The following PDIA3 variants were observed in gnomAD, a reference collection of about 807,000 sequenced individuals.
PDIA3 encodes protein disulfide-isomerase A3.
PDIA3 carries 16 observed loss-of-function variants against 56.9 expected under a neutral mutation model. The observed-to-expected ratio is 0.28, with a 90% confidence interval of 0.19 to 0.43. The LOEUF (loss-of-function observed/expected upper bound fraction) is 0.43. Ranked by LOEUF, PDIA3 falls within the 20% of genes least tolerant of loss-of-function variation. PDIA3 has a pLI of 1.00. For missense variants in PDIA3, 485 were observed against 621.3 expected (o/e 0.78, Z 2.33); for synonymous variants, 192 against 216.5 (o/e 0.89, Z 0.99).
intron 2 of PDIA3, among the ~76,000 whole-genome samples, chr15:43,754,712 T>TAAA (rs575346705): frequency 7.2e-6 from 1 of 138,246 alleles, no homozygotes. Flanking sequence ...CCCTGTCTCT[T>TAAA]AAAAAAAAAA....
In PDIA3 at chr15:43,751,334, T is replaced by C. The variant is rs1303621471; in HGVS notation, c.168-2490T>C. The stretch of plus-strand genomic sequence containing the variant: ...TGGTGTTCCTATAAGGAAAGGACTA[T>C]ACCAATTTTCTTATCAAAGACACTT... On this transcript the variant is annotated intron_variant, in intron 1 of 12. Transcript: ENST00000300289. Among the ~76,000 whole-genome samples, 5 of 152,166 alleles carry C rather than the reference T, an allele frequency of 3.3e-5. No individual in the cohort carries two copies. In the South Asian group the frequency reaches 1.0e-3, roughly 32 times the overall value.
chr15:43,746,471 G>C lies in PDIA3; in HGVS notation c.-69G>C, dbSNP rs1596015742. On this transcript the variant is annotated 5_prime_UTR_variant, in exon 1 of 13. Transcript: ENST00000300289. Reference sequence around the variant, plus strand: ...GAGCGCAAGCAGCGGGTTAGTGGTCGCGCGCCCGACCTCCGCAGTCCCAGC... The same window carrying C: ...GAGCGCAAGCAGCGGGTTAGTGGTCCCGCGCCCGACCTCCGCAGTCCCAGC... 1.8e-5 allele frequency: 25 copies of C among 1,371,722 alleles called. No homozygotes were observed. The highest frequency in any genetic ancestry group is 2.7e-5 in the Admixed American group (1 of 36,888). The allele number at this position is 1,371,722 out of a possible 1,614,324, so 85.0% of individuals were successfully genotyped here.
intron 5 of PDIA3, among the ~76,000 whole-genome samples, chr15:43,763,472 CA>C (rs2086830011): frequency 6.6e-6 from 1 of 152,198 alleles, no homozygotes; most frequent in South Asian, 2.1e-4. Flanking sequence ...AGGCTGGTTT[CA>C]AATTCCTGGC....
intron 3 of PDIA3, 42 bp from the exon 4 acceptor site, chr15:43,761,382 T>A: frequency 9.2e-7 from 1 of 1,081,988 alleles, no homozygotes; most frequent in Admixed American, 2.0e-5. Context: ...TCAAAAATTA[T>A]AAATAAGTTG....
At chr15:43,758,921 G>A (rs888950517) in intron 3 of PDIA3, among the ~76,000 whole-genome samples, 4 of 151,494 alleles carry the variant, frequency 2.6e-5, no homozygotes, top group Admixed American at 1.3e-4. Context: ...AGGTTGCAGC[G>A]AGCTGAGATC....
intron 8 of PDIA3, among the ~76,000 whole-genome samples, chr15:43,767,805 A>G (rs1447117937): frequency 1.3e-5 from 2 of 148,482 alleles, no homozygotes; most frequent in Non-Finnish European, 3.0e-5. Context: ...GAAATAGATA[A>G]GATTGGACAG....
chr15:43,746,572 T>A lies in PDIA3; in HGVS notation c.33T>A (p.Gly11=). ...TCCGCCGCCTAGCGCTGTTCCCGGG[T>A]GTGGCGCTGCTTCTTGCCGCGGCCC... MRLRRLALFP[G]VALLLAAARL... is the part of the protein sequence containing the mutation. The change falls in exon 1 of 13, where the codon GGT becomes GGA. Residue 11 remains glycine, a synonymous_variant. Transcript: ENST00000300289. 6.2e-7 allele frequency: 1 copy of A among 1,611,346 alleles called. No individual in the cohort carries two copies. Among genetic ancestry groups the A allele is most frequent in the Non-Finnish European group, 8.5e-7 (1 of 1,179,516 alleles).
intron 2 of PDIA3, among the ~76,000 whole-genome samples, chr15:43,754,638 G>T (rs886628768): frequency 6.6e-6 from 1 of 151,400 alleles, no homozygotes; most frequent in South Asian, 2.1e-4. Flanking sequence ...CAGGAGGATT[G>T]CTTGAGGCTG....
chr15:43,749,561 A>G (rs2086730330), intron 1 of PDIA3, among the ~76,000 whole-genome samples: 1 of 152,192 alleles, frequency 6.6e-6, no homozygotes, highest in East Asian at 1.9e-4. Flanking sequence ...TGGGAGGCCA[A>G]GGCAGGCAGA....
chr15:43,749,709 C>G (rs574684249), intron 1 of PDIA3, among the ~76,000 whole-genome samples: 1 of 152,068 alleles, frequency 6.6e-6, no homozygotes, highest in Non-Finnish European at 1.5e-5. Flanking sequence ...GGGAAAATCA[C>G]TTGAACCCAG....
rs758191629 is a variant in PDIA3, at chr15:43,770,256, A to C, written c.1273A>C (p.Lys425Gln). 8.7e-6 allele frequency: 14 copies of C among 1,613,684 alleles called. No homozygotes were observed. The Admixed American group carries it at 2.2e-4, about 25-fold the overall frequency. The stretch of plus-strand genomic sequence containing the variant: ...TAACCTGTTTTATTAACAGCTCAGC[A>C]AAGACCCAAATATCGTCATAGCCAA... ...KYKELGEKLS[K>Q]DPNIVIAKMD... The change falls in exon 11 of 13, where the codon AAA (lysine) becomes CAA (glutamine). Residue 425 changes from lysine (K) to glutamine (Q), a missense_variant. Lys to Gln is a moderately conservative substitution (Grantham distance 53). Coordinates refer to ENST00000300289, the MANE Select transcript of PDIA3 (RefSeq NM_005313.5).
At chr15:43,751,656 C>A (rs1413272555) in intron 1 of PDIA3, 1 of 1,303,912 alleles carries the variant, frequency 7.7e-7, no homozygotes, top group Non-Finnish European at 1.0e-6. Context: ...GATTTGATGA[C>A]CTTATGGATA....
chr15:43,767,284 G>A (rs761725914), intron 8 of PDIA3, among the ~76,000 whole-genome samples: 7 of 152,018 alleles, frequency 4.6e-5, no homozygotes, highest in South Asian at 2.1e-4. Context: ...CCTGGGAGGC[G>A]GAGGTTGCGG....
intron 3 of PDIA3, among the ~76,000 whole-genome samples, chr15:43,758,158 A>T (rs2086791908): frequency 6.6e-6 from 1 of 151,946 alleles, no homozygotes; most frequent in Non-Finnish European, 1.5e-5. Context: ...GAATCGCTTG[A>T]ACCTGGGAGG....
intron 1 of PDIA3, among the ~76,000 whole-genome samples, chr15:43,751,153 A>G (rs1202859080): frequency 1.3e-5 from 2 of 148,518 alleles, no homozygotes; most frequent in Non-Finnish European, 3.0e-5. Context: ...AAAAAATAAT[A>G]TATGTGCTAA....
rs776562921 is a variant in PDIA3, at chr15:43,763,112, G to A, written c.508G>A (p.Glu170Lys). 1.2e-5 allele frequency: 20 copies of A among 1,613,948 alleles called. No homozygotes were observed. The highest frequency in any genetic ancestry group is 4.5e-5 in the East Asian group (2 of 44,900). Residue 170 changes from glutamate to lysine, a missense_variant, in exon 5 of 13, where the codon GAG becomes AAG. Glu to Lys is a moderately conservative substitution (Grantham distance 56). Transcript: ENST00000300289. ...TGATTCATTCAGTGAGGCTCACTCC[G>A]AGTTCCTAAAAGCAGCCAGCAACTT... ...FDDSFSEAHS[E>K]FLKAASNLRD...
chr15:43,753,637 AC>A (rs1202192691), intron 1 of PDIA3, among the ~76,000 whole-genome samples, 186 bp from the exon 2 acceptor site: 1 of 152,194 alleles, frequency 6.6e-6, no homozygotes, highest in African/African-American at 2.4e-5. Flanking sequence ...TAGGGGTAGG[AC>A]CTTTACCTCT....
In PDIA3 at chr15:43,768,582, T is replaced by C. The variant is rs772757209; in HGVS notation, c.1122T>C (p.Asn374=). 1.9e-6 allele frequency: 3 copies of C among 1,606,624 alleles called. No homozygotes were observed. Among genetic ancestry groups the C allele is most frequent in the Admixed American group, 3.3e-5 (2 of 60,006 alleles). Residue 374 remains asparagine (N), a synonymous_variant, in exon 9 of 13, where the codon AAT becomes AAC. Transcript: ENST00000300289. ...AGTCTGAACCTATCCCAGAGAGCAATGATGGGCCTGTGAAGGTGAGGTGCT... is the reference window on the plus strand; with the variant it reads ...AGTCTGAACCTATCCCAGAGAGCAACGATGGGCCTGTGAAGGTGAGGTGCT... ...YLKSEPIPES[N]DGPVKVVVAE... is the part of the protein sequence containing the mutation.
In PDIA3 at chr15:43,763,062, A is replaced by T; in HGVS notation, c.473-15A>T. On this transcript the variant is annotated splice_polypyrimidine_tract_variant and intron_variant, in intron 4 of 12. Coordinates refer to ENST00000300289, the MANE Select transcript of PDIA3 (RefSeq NM_005313.5). ...ACTTATTGCTTCTTCCTTGTGTTTA[A>T]TATTTTCTGTATAGGTTTTTTCGAT... is the stretch of plus-strand genomic sequence containing the variant. 6.2e-7 allele frequency: 1 copy of T among 1,612,552 alleles called. No homozygotes were observed. The highest frequency in any genetic ancestry group is 8.5e-7 in the Non-Finnish European group (1 of 1,178,826).
Sources: gnomAD v4.1 joint callset for allele counts (sites outside exome capture counted in the v4.1 genomes callset) on GRCh38, gnomAD v4.1.1 for gene constraint, MANE v1.5 for transcripts, NCBI Gene and HGNC (gene_info 2026-07-23, HGNC 2026-07-21) for gene names.